Variants in GDA observed in about 807,000 individuals in gnomAD.
The protein encoded by GDA is guanine deaminase.
Under a neutral mutation model 59.6 loss-of-function variants are expected in GDA, and 18 were observed. The ratio of observed to expected loss-of-function variants is 0.30; its 90% CI spans 0.21 to 0.45. GDA has a LOEUF of 0.45. Ranked by LOEUF, GDA falls within the 20% of genes least tolerant of loss-of-function variation. The pLI, the probability that GDA is intolerant of heterozygous loss-of-function variation, is 1.00. For missense variants in GDA, 427 were observed against 552.3 expected (o/e 0.77, Z 2.27); for synonymous variants, 201 against 201.1 (o/e 1.00, Z 0.00).
chr9:72,212,257 C>T (rs368418220), intron 4 of GDA, among the ~76,000 whole-genome samples: 6 of 151,666 alleles, frequency 4.0e-5, no homozygotes, highest in South Asian at 4.2e-4. Flanking sequence ...CCGAGGCGGG[C>T]GGATCATGAG....
intron 1 of GDA, among the ~76,000 whole-genome samples, chr9:72,191,133 TGAG>T (rs1832492429): frequency 6.6e-6 from 1 of 152,182 alleles, no homozygotes; most frequent in East Asian, 1.9e-4. Context: ...TGATAAGCAA[TGAG>T]GACTTCTATC....
chr9:72,165,559 G>C (rs1012621739), intron 1 of GDA, among the ~76,000 whole-genome samples: 1 of 152,038 alleles, frequency 6.6e-6, no homozygotes, highest in Non-Finnish European at 1.5e-5. Context: ...TGGTATGTGA[G>C]GTATGTGTAG....
intron 1 of GDA, among the ~76,000 whole-genome samples, chr9:72,119,236 G>A (rs963480484): frequency 5.9e-5 from 9 of 152,156 alleles, no homozygotes; most frequent in African/African-American, 1.9e-4. Context: ...CAGGCGCAGC[G>A]GCTCACACCT....
intron 9 of GDA, among the ~76,000 whole-genome samples, chr9:72,230,499 A>AT (rs1564145845): frequency 1.6e-5 from 2 of 121,926 alleles, no homozygotes; most frequent in East Asian, 5.3e-4. Context: ...TCAAAAAAAA[A>AT]AAATATATAT....
At position 72,250,094 on chromosome 9, in the gene GDA, G is replaced by A. The variant is rs1204556769; in HGVS notation, c.*1752G>A. On this transcript the variant is annotated 3_prime_UTR_variant, in exon 14 of 14. Coordinates refer to ENST00000358399, the MANE Select transcript of GDA (RefSeq NM_004293.5). ...CCAATATTTCTAATTCCTGAGCCACGTCAAAGATGCCTTGCCAAATTTCTC... is the reference window on the plus strand; with the variant it reads ...CCAATATTTCTAATTCCTGAGCCACATCAAAGATGCCTTGCCAAATTTCTC... 11 of 984,522 alleles carry A rather than the reference G, an allele frequency of 1.1e-5. No homozygotes were observed. In the East Asian group the frequency reaches 3.4e-4, roughly 31 times the overall value. 61.0% of individuals were successfully genotyped at this position (984,522 alleles called of 1,614,324 possible). A position where few individuals can be genotyped will look rare whatever the true frequency, so the allele number is the denominator to read the frequency against.
upstream of GDA, among the ~76,000 whole-genome samples, chr9:72,147,943 T>C (rs1402753487): frequency 6.6e-6 from 1 of 152,168 alleles, no homozygotes; most frequent in Non-Finnish European, 1.5e-5. Flanking sequence ...GTGTGCATGG[T>C]TCTGACGGTT....
rs574484536 is a variant in GDA, at chr9:72,213,713, G to A, written c.473-173G>A. On this transcript the variant is annotated intron_variant, in intron 4 of 13. Transcript: ENST00000358399. Reference sequence around the variant, plus strand: ...AGCTACTCGGGAGGCTGAGGCAGGAGAATGGCATGAACCTGGGAGGCGGAG... The same window carrying A: ...AGCTACTCGGGAGGCTGAGGCAGGAAAATGGCATGAACCTGGGAGGCGGAG... 1.3e-3 allele frequency among the ~76,000 whole-genome samples: 193 copies of A among 151,170 alleles called. 2 individuals are homozygous for A. Among genetic ancestry groups the A allele is most frequent in the Admixed American group, 2.0e-3 (30 of 15,186 alleles).
chr9:72,214,266 T>C (rs1424512589), intron 5 of GDA, among the ~76,000 whole-genome samples: 1 of 151,896 alleles, frequency 6.6e-6, no homozygotes, highest in African/African-American at 2.4e-5. Flanking sequence ...TCTTTTTATT[T>C]ATTTTTTATT....
chr9:72,167,046 C>CTGTT (rs905947497), intron 1 of GDA, among the ~76,000 whole-genome samples: 11 of 152,044 alleles, frequency 7.2e-5, no homozygotes, highest in African/African-American at 1.2e-4. Flanking sequence ...TGTTGTTGTT[C>CTGTT]TGTTTGTTTG....
intron 5 of GDA, among the ~76,000 whole-genome samples, chr9:72,216,364 G>T (rs138718623): frequency 6.6e-6 from 1 of 152,174 alleles, no homozygotes. Flanking sequence ...AGTAAGAAAA[G>T]GGGAAAAACT....
In GDA at chr9:72,248,572, T is replaced by C. The variant is rs779416286; in HGVS notation, c.*230T>C. 12 of 1,321,284 alleles carry C rather than the reference T, an allele frequency of 9.1e-6. No individual in the cohort carries two copies. The highest frequency in any genetic ancestry group is 3.5e-5 in the Admixed American group (1 of 28,390). 81.8% of individuals were successfully genotyped at this position (1,321,284 alleles called of 1,614,324 possible). ...TCATGAAAATATCTCCCTTTGGAGC[T>C]GCTCAGACTTACTTTAAGCTCAAAC... On this transcript the variant is annotated 3_prime_UTR_variant, in exon 14 of 14. Coordinates refer to ENST00000358399, the MANE Select transcript of GDA (RefSeq NM_004293.5).
chr9:72,119,957 A>G (rs1206433620), intron 1 of GDA, among the ~76,000 whole-genome samples: 1 of 152,198 alleles, frequency 6.6e-6, no homozygotes, highest in Non-Finnish European at 1.5e-5. Context: ...GTGGAACCAC[A>G]TCTCTTAGAG....
At chr9:72,181,976 G>C (rs1285343933) in intron 1 of GDA, among the ~76,000 whole-genome samples, 1 of 152,036 alleles carries the variant, frequency 6.6e-6, no homozygotes, top group African/African-American at 2.4e-5. Context: ...TACAAAATTT[G>C]CTTCATTATT....
At chr9:72,152,104 T>C (rs1201485810) in intron 1 of GDA, among the ~76,000 whole-genome samples, 1 of 152,176 alleles carries the variant, frequency 6.6e-6, no homozygotes, top group Non-Finnish European at 1.5e-5. Context: ...GGGTGGATTA[T>C]AGCAGCGGGT....
chr9:72,160,030 T>G (rs535542870), intron 1 of GDA, among the ~76,000 whole-genome samples: 1 of 152,280 alleles, frequency 6.6e-6, no homozygotes, highest in African/African-American at 2.4e-5. Flanking sequence ...CCGGGCGCGG[T>G]GGCTCATGCC....
In GDA at chr9:72,245,230, C is replaced by T. The variant is rs745542959; in HGVS notation, c.1218C>T (p.Asp406=). 6.2e-6 allele frequency: 10 copies of T among 1,611,916 alleles called. No homozygotes were observed. The highest frequency in any genetic ancestry group is 8.5e-6 in the Non-Finnish European group (10 of 1,178,136). ...TCCTGATCAACCCCAAAGCATCCGA[C>T]TCTCCCATTGACCTGTTTTATGGGG... ...DAILINPKAS[D]SPIDLFYGDF... is the part of the protein sequence containing the mutation. Residue 406 remains aspartate (D), a synonymous_variant, in exon 12 of 14, where the codon GAC becomes GAT. Coordinates refer to ENST00000358399, the MANE Select transcript of GDA (RefSeq NM_004293.5).
chr9:72,128,840 C>A (rs1015024665), intron 1 of GDA, among the ~76,000 whole-genome samples: 75 of 151,446 alleles, frequency 5.0e-4, no homozygotes, highest in Non-Finnish European at 9.0e-4. Context: ...GCAATACAAT[C>A]AAAAATATAC....
At chr9:72,229,654 C>G (rs571174302) in intron 9 of GDA, among the ~76,000 whole-genome samples, 1 of 152,262 alleles carries the variant, frequency 6.6e-6, no homozygotes, top group South Asian at 2.1e-4. Context: ...TGGCCGTCCC[C>G]AAACAAGGGC....
chr9:72,155,298 T>A (rs1357344216), intron 1 of GDA, among the ~76,000 whole-genome samples: 1 of 152,170 alleles, frequency 6.6e-6, no homozygotes, highest in Non-Finnish European at 1.5e-5. Flanking sequence ...TGAGACTTAT[T>A]CACTACCATG....
Sources: allele counts gnomAD v4.1 joint callset (sites outside exome capture counted in the v4.1 genomes callset), GRCh38; gene constraint gnomAD v4.1.1; transcripts MANE v1.5; gene names NCBI Gene and HGNC (gene_info 2026-07-23, HGNC 2026-07-21).